Variants in TASP1 observed in about 807,000 individuals in gnomAD.
TASP1 encodes the protein taspase 1, also known as threonine aspartase 1.
A neutral mutation model predicts 56.6 loss-of-function variants in TASP1; 16 were observed. The ratio of observed to expected loss-of-function variants is 0.28; its 90% confidence interval spans 0.19 to 0.43. The LOEUF (loss-of-function observed/expected upper bound fraction) is 0.43. Ranked by LOEUF, TASP1 falls within the 20% of genes least tolerant of loss-of-function variation. The pLI is 1.00. For missense variants in TASP1, 393 were observed against 511.6 expected, an observed-to-expected ratio of 0.77 and a Z score of 2.24; for synonymous variants, 179 against 184.2, an observed-to-expected ratio of 0.97 and a Z score of 0.23.
the TASP1 span, among the ~76,000 whole-genome samples, chr20:13,225,233 G>A: frequency 2.0e-5 from 3 of 152,110 alleles, no homozygotes; most frequent in Non-Finnish European, 4.4e-5. Flanking sequence ...AGAAACTGAG[G>A]TTAGGTAATT....
chr20:13,628,699 C>T (rs1256539247), intron 2 of TASP1, among the ~76,000 whole-genome samples: 3 of 152,124 alleles, frequency 2.0e-5, no homozygotes, highest in Non-Finnish European at 4.4e-5. Flanking sequence ...TGCTTGACTA[C>T]CCAGGGAAAG....
chr20:13,484,004 G>A (rs1243727753), intron 10 of TASP1, among the ~76,000 whole-genome samples: 4 of 152,166 alleles, frequency 2.6e-5, no homozygotes, highest in African/African-American at 4.8e-5. Context: ...CAAAGGATAT[G>A]CAAGAACACT....
chr20:13,375,128 G>C, the TASP1 span, among the ~76,000 whole-genome samples: 1 of 152,074 alleles, frequency 6.6e-6, no homozygotes, highest in East Asian at 1.9e-4. Flanking sequence ...TACATGTGCA[G>C]AATGTGCAGG....
chr20:13,120,281 G>A, the TASP1 span, among the ~76,000 whole-genome samples: 2 of 152,198 alleles, frequency 1.3e-5, no homozygotes, highest in Admixed American at 6.5e-5. Flanking sequence ...GATACTTCCC[G>A]TATATCTCAA....
the TASP1 span, among the ~76,000 whole-genome samples, chr20:13,255,040 G>A: frequency 6.6e-6 from 1 of 152,182 alleles, no homozygotes; most frequent in East Asian, 1.9e-4. Flanking sequence ...CCTGGTAGGG[G>A]CCACAACACA....
chr20:13,106,594 A>G, the TASP1 span, among the ~76,000 whole-genome samples: 6 of 152,286 alleles, frequency 3.9e-5, no homozygotes, highest in East Asian at 1.9e-4. Flanking sequence ...GGCAGAGGCT[A>G]TATCAGGAAG....
At chr20:13,164,523 ACATT>A in the TASP1 span, 1 of 565,884 alleles carries the variant, frequency 1.8e-6, no homozygotes, top group Non-Finnish European at 3.2e-6. Context: ...AATAAAATAA[ACATT>A]CATAGTATGG....
intron 10 of TASP1, among the ~76,000 whole-genome samples, chr20:13,490,353 G>A (rs973842977): frequency 1.3e-5 from 2 of 152,084 alleles, no homozygotes; most frequent in Non-Finnish European, 2.9e-5. Flanking sequence ...CCTCAATCAT[G>A]TGACACCACT....
At chr20:13,134,886 G>A in the TASP1 span, among the ~76,000 whole-genome samples, 24 of 152,170 alleles carry the variant, frequency 1.6e-4, no homozygotes, top group African/African-American at 5.8e-4. Flanking sequence ...AAACATCAAC[G>A]CTGCCCTCTC....
In TASP1 at chr20:13,534,145, C is replaced by A. The variant is rs373734419; in HGVS notation, c.676-4G>T. On this transcript the variant is annotated splice_polypyrimidine_tract_variant and splice_region_variant and intron_variant, in intron 8 of 13. Coordinates refer to ENST00000337743, the MANE Select transcript of TASP1 (RefSeq NM_017714.3). The stretch of plus-strand genomic sequence containing the variant: ...CCAAAGTGCCTGAGTCATTTTCCTG[C>A]AGAGCAAAAGTGGCACAAGTATTCA... 83 of 1,612,996 alleles carry A rather than the reference C, an allele frequency of 5.1e-5. No individual in the cohort carries two copies. The highest frequency in any genetic ancestry group is 7.0e-5 in the Non-Finnish European group (82 of 1,179,512).
At chr20:13,291,504 C>G in the TASP1 span, among the ~76,000 whole-genome samples, 1 of 152,160 alleles carries the variant, frequency 6.6e-6, no homozygotes, top group Non-Finnish European at 1.5e-5. Context: ...GGGAAACCAG[C>G]AGGGAAGGCC....
At chr20:13,141,215 G>T in the TASP1 span, among the ~76,000 whole-genome samples, 1 of 152,174 alleles carries the variant, frequency 6.6e-6, no homozygotes, top group South Asian at 2.1e-4. Flanking sequence ...ATAAGACATT[G>T]ATTGTCTTCA....
chr20:13,310,741 A>G, the TASP1 span, among the ~76,000 whole-genome samples: 1 of 152,252 alleles, frequency 6.6e-6, no homozygotes. Flanking sequence ...AACTTGATTA[A>G]AAAGTGAGCA....
chr20:13,298,735 C>T, the TASP1 span, among the ~76,000 whole-genome samples: 34 of 152,098 alleles, frequency 2.2e-4, no homozygotes, highest in African/African-American at 8.0e-4. Flanking sequence ...GTTCAAGGGA[C>T]GTGAGAACGG....
chr20:13,580,373 G>A (rs936051545), intron 6 of TASP1, among the ~76,000 whole-genome samples: 8 of 152,186 alleles, frequency 5.3e-5, no homozygotes, highest in Non-Finnish European at 1.0e-4. Flanking sequence ...CTTGAGCCCA[G>A]GAGGTCAAGG....
the TASP1 span, among the ~76,000 whole-genome samples, chr20:13,214,277 A>G: frequency 6.6e-6 from 1 of 152,158 alleles, no homozygotes; most frequent in East Asian, 1.9e-4. Context: ...TATTCACAAG[A>G]GCAACCATTT....
chr20:13,475,844 T>C (rs6105113), intron 11 of TASP1, among the ~76,000 whole-genome samples: 68,401 of 150,014 alleles, frequency 0.46, 15,557 homozygotes, highest in Non-Finnish European at 0.47. Context: ...TGCAGTGTGC[T>C]GAGATCATGC....
At chr20:13,601,074 G>C (rs1021271999) in intron 4 of TASP1, among the ~76,000 whole-genome samples, 3 of 152,104 alleles carry the variant, frequency 2.0e-5, no homozygotes, top group Non-Finnish European at 4.4e-5. Flanking sequence ...TCAGGAGTTC[G>C]AGACCAGCCT....
intron 13 of TASP1, among the ~76,000 whole-genome samples, chr20:13,397,216 G>A (rs1231326926): frequency 6.6e-6 from 1 of 152,210 alleles, no homozygotes; most frequent in African/African-American, 2.4e-5. Context: ...AAGTTATTAT[G>A]GGGGAACAGA....
Sources: gnomAD v4.1 joint callset for allele counts (sites outside exome capture counted in the v4.1 genomes callset) on GRCh38, gnomAD v4.1.1 for gene constraint, MANE v1.5 for transcripts, NCBI Gene and HGNC (gene_info 2026-07-23, HGNC 2026-07-21) for gene names.